Variants in CFAP251 observed in about 807,000 individuals in gnomAD.
The protein encoded by CFAP251 is cilia- and flagella-associated protein 251.
CFAP251 carries 93 observed loss-of-function variants against 126.7 expected under a neutral mutation model. The observed-to-expected ratio is 0.73, with a 90% CI of 0.62 to 0.87. The LOEUF (loss-of-function observed/expected upper bound fraction) is 0.87, where lower values mean the gene tolerates loss of function less well. Among genes scored for constraint, CFAP251 ranks in the 40% least tolerant of loss-of-function variants. The pLI, the probability that CFAP251 is intolerant of heterozygous loss-of-function variation, is 0.00. For synonymous variants in CFAP251, 503 were observed against 506.9 expected (o/e 0.99, Z 0.10); for missense variants, 1,287 against 1,389.2 (o/e 0.93, Z 1.17).
In CFAP251 at chr12:121,971,604, A is replaced by G. The variant is rs569616081; in HGVS notation, c.2771+3435A>G. On this transcript the variant is annotated intron_variant, in intron 17 of 21. Coordinates refer to ENST00000288912, the MANE Select transcript of CFAP251 (RefSeq NM_144668.6). ...AATATTATCCCCATCAGACACATCA[A>G]GAAGCTAACTCCAAGGGGTCTGATG... The G allele has an allele frequency of 1.6e-5, 11 of 702,944 alleles. No homozygotes were observed. In the East Asian group the frequency reaches 2.7e-4, roughly 17 times the overall value. 43.5% of individuals were successfully genotyped at this position (702,944 alleles called of 1,614,324 possible).
chr12:121,928,705 T>TA (rs370530855), intron 3 of CFAP251, among the ~76,000 whole-genome samples: 10,109 of 47,800 alleles, frequency 0.21, 1,015 homozygotes, highest in African/African-American at 0.34. Flanking sequence ...TATATATATA[T>TA]TTTTTTTTTG....
Position 121,934,362 on chromosome 12 carries a change from C to G in CFAP251, c.998+6C>G. The G allele has an allele frequency of 1.2e-6, 2 of 1,602,294 alleles. No individual in the cohort carries two copies. The highest frequency in any genetic ancestry group is 1.7e-6 in the Non-Finnish European group (2 of 1,170,026). On this transcript the variant is annotated splice_donor_region_variant and intron_variant, in intron 5 of 21. Transcript: ENST00000288912. ...ATATGGGACTCCTTCACAGGGTAGGCTTTGTGTAGCCACTTCTTTTTTCCC... is the reference window on the plus strand; with the variant it reads ...ATATGGGACTCCTTCACAGGGTAGGGTTTGTGTAGCCACTTCTTTTTTCCC...
intron 17 of CFAP251, chr12:121,971,895 G>C (rs766695633): frequency 2.8e-5 from 11 of 393,488 alleles, no homozygotes; most frequent in Non-Finnish European, 5.3e-5. Flanking sequence ...TGTTGTTCTC[G>C]TGGTAGTGAA....
intron 7 of CFAP251, among the ~76,000 whole-genome samples, chr12:121,943,268 G>A (rs1009209480): frequency 1.3e-5 from 2 of 152,034 alleles, no homozygotes; most frequent in African/African-American, 4.8e-5. Flanking sequence ...AGCCGAGACT[G>A]CGCCACTGCA....
chr12:121,924,394 C>T (rs927681816), intron 3 of CFAP251, among the ~76,000 whole-genome samples: 22 of 146,164 alleles, frequency 1.5e-4, no homozygotes, highest in Admixed American at 7.5e-4. Flanking sequence ...GGATTACAGG[C>T]GTGAGCCACC....
chr12:121,924,267 G>A (rs1376921931), intron 3 of CFAP251, among the ~76,000 whole-genome samples: 3 of 151,748 alleles, frequency 2.0e-5, no homozygotes, highest in African/African-American at 4.8e-5. Flanking sequence ...GAGCCACCAC[G>A]CCTGGCTAAT....
At chr12:121,978,393 CAAAAAAAAA>C (rs10642280) in intron 19 of CFAP251, among the ~76,000 whole-genome samples, 11 of 42,108 alleles carry the variant, frequency 2.6e-4, no homozygotes, top group East Asian at 1.3e-3. Flanking sequence ...GACTCTGTCT[CAAAAAAAAA>C]AAAAAAAAAA....
At chr12:121,977,844 A>T (rs1373451103) in intron 19 of CFAP251, among the ~76,000 whole-genome samples, 4 of 151,090 alleles carry the variant, frequency 2.6e-5, no homozygotes, top group Non-Finnish European at 5.9e-5. Flanking sequence ...CTGTAGTCCC[A>T]GCTATTCAGG....
intron 5 of CFAP251, among the ~76,000 whole-genome samples, chr12:121,939,063 C>T (rs1881002949): frequency 6.6e-6 from 1 of 151,916 alleles, no homozygotes; most frequent in South Asian, 2.1e-4. Flanking sequence ...AGTCTTCTTT[C>T]TAGAGGTAAT....
At position 121,942,543 on chromosome 12, in the gene CFAP251, G is replaced by T; in HGVS notation, c.1008G>T (p.Val336=). The T allele has an allele frequency of 3.7e-6, 6 of 1,613,316 alleles. No individual in the cohort carries two copies. The highest frequency in any genetic ancestry group is 5.1e-6 in the Non-Finnish European group (6 of 1,179,514). ...TTGTCCTGTTTTGCAGTATTCCTGT[G>T]CACACAATATTTGACAGCTGCCCTG... The part of the protein sequence containing the change: ...IIWDSFTGIP[V]HTIFDSCPEG... Residue 336 remains valine, a synonymous_variant, in exon 6 of 22, where the codon GTG becomes GTT. Transcript: ENST00000288912.
rs17852561 is a variant in CFAP251 at position 121,958,489 on chromosome 12, C to T, written c.1948C>T (p.Leu650Phe). 0.3 allele frequency: 477,260 copies of T among 1,613,982 alleles called. 75,055 individuals are homozygous for T. The highest frequency in any genetic ancestry group is 0.48 in the East Asian group (21,674 of 44,862). ...YLFSRVFEKG[L>F]GVQSLTYNPE... is the part of the protein sequence containing the mutation. ...TTTCAGCAGGGTTTTTGAGAAGGGG[C>T]TTGGAGTCCAGAGTCTGACCTACAA... Residue 650 changes from leucine to phenylalanine, a missense_variant, in exon 12 of 22, where the codon CTT becomes TTT. Leu to Phe is a conservative substitution (Grantham distance 22). Coordinates refer to ENST00000288912, the MANE Select transcript of CFAP251 (RefSeq NM_144668.6).
chr12:122,002,180 T>C (rs759679699), intron 21 of CFAP251, among the ~76,000 whole-genome samples: 4 of 151,600 alleles, frequency 2.6e-5, no homozygotes, highest in Admixed American at 1.3e-4. Context: ...CATGGTGAAA[T>C]CCCATCTCTA....
chr12:121,946,913 A>C (rs1047340354), intron 7 of CFAP251, among the ~76,000 whole-genome samples: 7 of 152,126 alleles, frequency 4.6e-5, no homozygotes, highest in African/African-American at 1.7e-4. Flanking sequence ...TCTATGTGGA[A>C]GTGGGTATGT....
chr12:121,980,020 G>A (rs556611401), intron 19 of CFAP251, among the ~76,000 whole-genome samples: 41 of 152,298 alleles, frequency 2.7e-4, no homozygotes, highest in African/African-American at 9.6e-4. Flanking sequence ...TTTAGGCCTC[G>A]CTTTCTGCTG....
chr12:121,937,927 C>T (rs1454967664), intron 5 of CFAP251, among the ~76,000 whole-genome samples: 2 of 152,176 alleles, frequency 1.3e-5, no homozygotes, highest in African/African-American at 2.4e-5. Context: ...TGGTGTGGCA[C>T]GTGTCCTTTC....
At position 121,928,626 on chromosome 12, in the gene CFAP251, G is replaced by GTATATATATA. The variant is rs57842636; in HGVS notation, c.748-3119_748-3110dup. 3.7e-4 allele frequency among the ~76,000 whole-genome samples: 16 copies of GTATATATATA among 43,190 alleles called. No homozygotes were observed. In the South Asian group the frequency reaches 4.3e-3, roughly 12 times the overall value. 28.3% of individuals were successfully genotyped at this position (43,190 alleles called of 152,430 possible). ...ACCCTAGATAATTTTATGTATATGT[G>GTATATATATA]TATATATATACGTATATATATATAT... On this transcript the variant is annotated intron_variant, in intron 3 of 21. Transcript: ENST00000288912.
chr12:121,944,273 A>G (rs1667586), intron 7 of CFAP251, among the ~76,000 whole-genome samples: 94,456 of 152,058 alleles, frequency 0.62, 31,945 homozygotes, highest in Non-Finnish European at 0.77. Context: ...AAATATGGTT[A>G]TGCAGCCATA....
At chr12:121,947,440 A>G (rs1189654257) in intron 7 of CFAP251, among the ~76,000 whole-genome samples, 1 of 151,620 alleles carries the variant, frequency 6.6e-6, no homozygotes, top group Non-Finnish European at 1.5e-5. Flanking sequence ...GTTTTCAGTC[A>G]TTTGGATGGG....
intron 3 of CFAP251, among the ~76,000 whole-genome samples, chr12:121,926,021 ATTTTTTTTTTT>A (rs35760212): frequency 1.0e-5 from 1 of 97,512 alleles, no homozygotes; most frequent in African/African-American, 4.2e-5. Flanking sequence ...ATTTTTTGTA[ATTTTTTTTTTT>A]TTTTTTTTTT....
Sources: gnomAD v4.1 joint callset for allele counts (sites outside exome capture counted in the v4.1 genomes callset) on GRCh38, gnomAD v4.1.1 for gene constraint, MANE v1.5 for transcripts, NCBI Gene and HGNC (gene_info 2026-07-23, HGNC 2026-07-21) for gene names.